GBP4: variants seen among roughly 807,000 people sequenced by gnomAD.
The protein encoded by GBP4 is guanylate-binding protein 4.
A neutral mutation model predicts 62.2 loss-of-function variants in GBP4; 69 were observed. That is an observed-to-expected ratio of 1.11 (90% CI 0.91 to 1.36). The LOEUF (loss-of-function observed/expected upper bound fraction) is 1.36, where lower values mean the gene tolerates loss of function less well. Among genes scored for constraint, GBP4 ranks in the 40% most tolerant of loss-of-function variants. GBP4 has a pLI of 0.00. For synonymous variants in GBP4, 278 were observed against 274.6 expected (o/e 1.01, Z -0.12); for missense variants, 697 against 759.3 (o/e 0.92, Z 0.96).
chr1:89,191,564 G>A, intron 5 of GBP4, 58 bp from the exon 6 acceptor site: 2 of 1,560,692 alleles, frequency 1.3e-6, no homozygotes, highest in Non-Finnish European at 1.7e-6. Flanking sequence ...CAAGGGGGCT[G>A]AGGACTTTTC....
At position 89,183,602 on chromosome 1, in the gene GBP4, A is replaced by C. The variant is rs998536465; in HGVS notation, c.*1652T>G. 5.3e-5 allele frequency: 8 copies of C among 152,198 alleles called. No individual in the cohort carries two copies. The highest frequency in any genetic ancestry group is 1.2e-4 in the Non-Finnish European group (8 of 68,020). 9.4% of individuals were successfully genotyped at this position (152,198 alleles called of 1,614,324 possible). The stretch of plus-strand genomic sequence containing the variant: ...TGCACATCAAAAGAAACTATTGGCC[A>C]GATGTGGTGGCTCATGCCTAAATCC... On this transcript the variant is annotated 3_prime_UTR_variant, in exon 11 of 11. Coordinates refer to ENST00000355754, the MANE Select transcript of GBP4 (RefSeq NM_052941.5).
In GBP4 at chr1:89,185,387, A is replaced by AT. The variant is rs778899580; in HGVS notation, c.1789dup (p.Ile597AsnfsTer2). The AT allele has an allele frequency of 3.1e-6, 5 of 1,596,894 alleles. No individual in the cohort carries two copies. The East Asian group carries it at 8.9e-5, about 29-fold the overall frequency. On this transcript the variant is annotated frameshift_variant, in exon 11 of 11. Transcript: ENST00000355754. LOFTEE classifies it low-confidence loss of function (END_TRUNC). ...TAACTGTTCATTTTTAGTGCTTTCA[A>AT]TTTTTTCTTTCAGTTGATTAATCTC... is the stretch of plus-strand genomic sequence containing the variant.
intron 2 of GBP4, 126 bp from the exon 3 acceptor site, chr1:89,195,550 G>T: frequency 1.8e-6 from 2 of 1,081,942 alleles, no homozygotes; most frequent in Non-Finnish European, 2.7e-6. Flanking sequence ...TTCCATCTCA[G>T]GCAGGACAAC....
At position 89,185,193 on chromosome 1, in the gene GBP4, TTA is replaced by T; in HGVS notation, c.*59_*60del. The T allele has an allele frequency of 9.9e-7, 1 of 1,008,886 alleles. No homozygotes were observed. 62.5% of individuals were successfully genotyped at this position (1,008,886 alleles called of 1,614,324 possible). ...TATACTTACAAAATGAGCAACAGTG[TTA>T]TGTTATTAAAATAAAATAAACCTCA... On this transcript the variant is annotated 3_prime_UTR_variant, in exon 11 of 11. Coordinates refer to ENST00000355754, the MANE Select transcript of GBP4 (RefSeq NM_052941.5).
intron 3 of GBP4, among the ~76,000 whole-genome samples, chr1:89,194,244 A>C (rs887874929): frequency 1.3e-5 from 2 of 152,202 alleles, no homozygotes; most frequent in Non-Finnish European, 2.9e-5. Flanking sequence ...AGGAGGCTGG[A>C]AACAAGATTC....
rs1648029863 is a variant in GBP4, at chr1:89,186,273, C to G, written c.1707+60G>C. 3.4e-6 allele frequency: 5 copies of G among 1,449,744 alleles called. No homozygotes were observed. In the Admixed American group the frequency reaches 5.9e-5, roughly 17 times the overall value. 89.8% of individuals were successfully genotyped at this position (1,449,744 alleles called of 1,614,324 possible). A position where few individuals can be genotyped will look rare whatever the true frequency, so the allele number is the denominator to read the frequency against. ...GACTGTGCCTAAAATTTTGGTCCTT[C>G]CTTTCCTAAAGAAGCAGGGCATTGT... On this transcript the variant is annotated intron_variant, in intron 10 of 10. Transcript: ENST00000355754.
At chr1:89,189,442 C>G (rs567204071) in intron 7 of GBP4, among the ~76,000 whole-genome samples, 3 of 152,294 alleles carry the variant, frequency 2.0e-5, no homozygotes, top group Non-Finnish European at 4.4e-5. Flanking sequence ...GTTTCTCACT[C>G]CTTGGTATCC....
At chr1:89,188,931 A>G (rs1188538320) in intron 7 of GBP4, 137 bp from the exon 8 acceptor site, 1 of 911,492 alleles carries the variant, frequency 1.1e-6, no homozygotes, top group African/African-American at 1.7e-5. Context: ...CACAAGAATG[A>G]TTTTGTTCCC....
chr1:89,195,518 G>T, intron 2 of GBP4, 94 bp from the exon 3 acceptor site: 3 of 1,443,758 alleles, frequency 2.1e-6, no homozygotes, highest in African/African-American at 1.4e-5. Flanking sequence ...TGTTTAAGTG[G>T]CTGACAGGGG....
rs1647995912 is a variant in GBP4 at position 89,185,111 on chromosome 1, T to C, written c.*143A>G. 1 of 532,926 alleles carries C rather than the reference T, an allele frequency of 1.9e-6. No homozygotes were observed. The highest frequency in any genetic ancestry group is 3.3e-6 in the Non-Finnish European group (1 of 301,462). The allele number at this position is 532,926 out of a possible 1,614,324, so 33.0% of individuals were successfully genotyped here. A position where few individuals can be genotyped will look rare whatever the true frequency, so the allele number is the denominator to read the frequency against. On this transcript the variant is annotated 3_prime_UTR_variant, in exon 11 of 11. Transcript: ENST00000355754. ...TTTTGTGGATGTCAGGCCCTGATAT[T>C]CTTTGATAATCACTTTTTAATTTTA...
In GBP4 at chr1:89,191,401, T is replaced by A; in HGVS notation, c.776A>T (p.Gln259Leu). ...CACTTCGTCCATATGATTTAAATATTGCTTGTCATTTGTAGGCCGGTCAAA... is the reference window on the plus strand; with the variant it reads ...CACTTCGTCCATATGATTTAAATATAGCTTGTCATTTGTAGGCCGGTCAAA... ...FVFDRPTNDKQYLNHMDEVPE... is the reference protein window; with the variant it reads ...FVFDRPTNDKLYLNHMDEVPE... The change falls in exon 6 of 11, where the codon CAA (glutamine) becomes CTA (leucine). Residue 259 changes from glutamine (Q) to leucine (L), a missense_variant. Physicochemically the swap from Gln to Leu is moderately radical, Grantham distance 113 (BLOSUM62 -2). Around this residue, in one of 2 missense-constraint regions of GBP4, gnomAD observed 556 missense variants for 562.7 expected, o/e 0.99. Transcript: ENST00000355754. The A allele has an allele frequency of 6.2e-7, 1 of 1,614,270 alleles. No homozygotes were observed. The highest frequency in any genetic ancestry group is 1.1e-5 in the South Asian group (1 of 91,092).
rs1339631692 is a variant in GBP4 at position 89,190,103 on chromosome 1, C to T, written c.1132G>A (p.Ala378Thr). Residue 378 changes from alanine (A) to threonine (T), a missense_variant, in exon 7 of 11, where the codon GCC becomes ACC. This residue lies in a region of GBP4 where 556 missense variants were observed against 562.7 expected (regional missense o/e 0.99). Transcript: ENST00000355754. ...LDVHAACERE[A>T]IAVFMEHSFK... ...GAGTGCTCCATGAAGACTGCAATGG[C>T]TTCCCTCTCACAGGCTGCATGCACG... 1 of 1,614,152 alleles carries T rather than the reference C, an allele frequency of 6.2e-7. No homozygotes were observed. Among genetic ancestry groups the T allele is most frequent in the Non-Finnish European group, 8.5e-7 (1 of 1,179,994 alleles).
intron 7 of GBP4, among the ~76,000 whole-genome samples, chr1:89,189,497 C>T (rs72963416): frequency 0.035 from 5,263 of 152,252 alleles, 309 homozygotes; most frequent in African/African-American, 0.12. Context: ...AGATACTAAT[C>T]CTGTGATTAG....
chr1:89,184,138 G>A lies in GBP4; in HGVS notation c.*1116C>T, dbSNP rs569752281. 6.6e-6 allele frequency: 1 copy of A among 152,284 alleles called. No individual in the cohort carries two copies. The highest frequency in any genetic ancestry group is 6.5e-5 in the Admixed American group (1 of 15,290). The allele number at this position is 152,284 out of a possible 1,614,324, so 9.4% of individuals were successfully genotyped here. On this transcript the variant is annotated 3_prime_UTR_variant, in exon 11 of 11. Coordinates refer to ENST00000355754, the MANE Select transcript of GBP4 (RefSeq NM_052941.5). ...TCACTCATCATCACTAATCACTACAGAAATGCATACCATCTCACACCAGTC... is the reference window on the plus strand; with the variant it reads ...TCACTCATCATCACTAATCACTACAAAAATGCATACCATCTCACACCAGTC...
chr1:89,193,020 G>C lies in GBP4; in HGVS notation c.554C>G (p.Ala185Gly), dbSNP rs756135431. 1 of 1,614,152 alleles carries C rather than the reference G, an allele frequency of 6.2e-7. No individual in the cohort carries two copies. The highest frequency in any genetic ancestry group is 1.1e-5 in the South Asian group (1 of 91,084). The part of the protein sequence containing the change: ...PDEAEDSSEF[A>G]SFFPDFIWTV... ...CCAAATAAAGTCTGGAAAGAAACTC[G>C]CAAACTCGCTGGAGTCCTCAGCTTC... The change falls in exon 5 of 11, where the codon GCG (alanine) becomes GGG (glycine). Residue 185 changes from alanine (A) to glycine (G), a missense_variant. By Grantham distance (60) the Ala-to-Gly change is moderately conservative (BLOSUM62 0). Around this residue, in one of 2 missense-constraint regions of GBP4, gnomAD observed 556 missense variants for 562.7 expected, o/e 0.99. Coordinates refer to ENST00000355754, the MANE Select transcript of GBP4 (RefSeq NM_052941.5).
At position 89,190,149 on chromosome 1, in the gene GBP4, G is replaced by A. The variant is rs775921871; in HGVS notation, c.1086C>T (p.Asp362=). The change falls in exon 7 of 11, where the codon GAC becomes GAT. Residue 362 remains aspartate, a synonymous_variant. Transcript: ENST00000355754. ...QMAQQLRLPT[D]TLQELLDVHA... Reference sequence around the variant, plus strand: ...GCACGTCCAGCAGCTCCTGGAGCGTGTCTGTGGGGAGCCTCAGTTGCTGGG... The same window carrying A: ...GCACGTCCAGCAGCTCCTGGAGCGTATCTGTGGGGAGCCTCAGTTGCTGGG... 84 of 1,614,054 alleles carry A rather than the reference G, an allele frequency of 5.2e-5. No homozygotes were observed. Among genetic ancestry groups the A allele is most frequent in the Non-Finnish European group, 6.5e-5 (77 of 1,180,040 alleles).
chr1:89,186,141 CAAG>C (rs1648027142), intron 10 of GBP4, among the ~76,000 whole-genome samples, 189 bp downstream of exon 10: 1 of 152,348 alleles, frequency 6.6e-6, no homozygotes, highest in East Asian at 1.9e-4. Context: ...CAAAGTCTAA[CAAG>C]AAGAAGATGG....
intron 7 of GBP4, among the ~76,000 whole-genome samples, chr1:89,189,527 G>A (rs1648123280): frequency 6.6e-6 from 1 of 152,242 alleles, no homozygotes; most frequent in South Asian, 2.1e-4. Context: ...TGTAGCACAA[G>A]TTGACTTTGA....
intron 9 of GBP4, 83 bp from the exon 10 acceptor site, chr1:89,186,609 C>T (rs1570372423): frequency 3.3e-6 from 4 of 1,226,144 alleles, no homozygotes; most frequent in East Asian, 2.5e-5. Flanking sequence ...CAAACTGACT[C>T]GGAGAAAAGC....
Sources: gnomAD v4.1 joint callset for allele counts (sites outside exome capture counted in the v4.1 genomes callset) on GRCh38, gnomAD v4.1.1 for gene constraint, gnomAD v4.1.1 regional missense constraint, MANE v1.5 for transcripts, NCBI Gene and HGNC (gene_info 2026-07-23, HGNC 2026-07-21) for gene names.